The following NEGR1 variants were observed in gnomAD, a reference collection of about 807,000 sequenced individuals.
The protein encoded by NEGR1 is neuronal growth regulator 1.
In NEGR1, 10 loss-of-function variants were observed where a neutral mutation model predicts 40.9. That is an observed-to-expected ratio of 0.24 (90% CI 0.15 to 0.42). NEGR1 has a LOEUF of 0.42. Ranked by LOEUF, NEGR1 falls within the 10% of genes least tolerant of loss-of-function variation. NEGR1 has a pLI of 1.00. For synonymous variants in NEGR1, 185 were observed against 166.8 expected (o/e 1.11, Z -0.84); for missense variants, 352 against 438.9 (o/e 0.80, Z 1.77).
intron 4 of NEGR1, among the ~76,000 whole-genome samples, chr1:71,684,464 G>A (rs754459025): frequency 2.0e-5 from 3 of 152,060 alleles, no homozygotes; most frequent in South Asian, 2.1e-4. Flanking sequence ...ACATACTAAC[G>A]TATGTTTGTG....
chr1:71,644,838 C>A (rs146972850), intron 4 of NEGR1, among the ~76,000 whole-genome samples: 220 of 152,038 alleles, frequency 1.4e-3, no homozygotes, highest in African/African-American at 5.1e-3. Context: ...TAGAGAGATG[C>A]TTATCCAGGG....
chr1:71,830,931 C>A (rs897901462), intron 2 of NEGR1, among the ~76,000 whole-genome samples: 10 of 151,620 alleles, frequency 6.6e-5, no homozygotes, highest in Admixed American at 1.3e-4. Context: ...TAAGATCACA[C>A]CATAGTTGTG....
intron 6 of NEGR1, among the ~76,000 whole-genome samples, chr1:71,440,954 C>G (rs1430747689): frequency 6.6e-6 from 1 of 152,090 alleles, no homozygotes; most frequent in Non-Finnish European, 1.5e-5. Flanking sequence ...TTATTGGACA[C>G]TCATAGATCA....
At chr1:71,665,761 A>C (rs987507487) in intron 4 of NEGR1, among the ~76,000 whole-genome samples, 33 of 152,282 alleles carry the variant, frequency 2.2e-4, no homozygotes, top group African/African-American at 7.2e-4. Context: ...TAGCTTCCTA[A>C]AGCCTTGTTT....
chr1:71,895,967 T>G (rs1660960567), intron 2 of NEGR1, among the ~76,000 whole-genome samples: 1 of 152,040 alleles, frequency 6.6e-6, no homozygotes, highest in Non-Finnish European at 1.5e-5. Flanking sequence ...TTATTATAGC[T>G]ATCTTAGTGT....
chr1:71,510,983 A>T (rs560961103), intron 6 of NEGR1, among the ~76,000 whole-genome samples: 170 of 152,318 alleles, frequency 1.1e-3, no homozygotes, highest in African/African-American at 3.9e-3. Flanking sequence ...TGATTTAGTT[A>T]GTAAAACTCT....
intron 1 of NEGR1, among the ~76,000 whole-genome samples, chr1:72,158,748 T>A (rs1007890510): frequency 2.0e-5 from 3 of 152,204 alleles, no homozygotes; most frequent in Non-Finnish European, 4.4e-5. Flanking sequence ...TAAACTGAGC[T>A]ATCATGTGAA....
At chr1:71,592,752 A>T (rs1649544004) in intron 6 of NEGR1, 65 bp downstream of exon 6, 6 of 1,306,610 alleles carry the variant, frequency 4.6e-6, no homozygotes, top group Non-Finnish European at 6.4e-6. Flanking sequence ...CTTAGGTTTT[A>T]TCTCTACAGA....
intron 2 of NEGR1, among the ~76,000 whole-genome samples, chr1:71,795,163 A>G (rs1039926637): frequency 4.6e-5 from 7 of 152,042 alleles, no homozygotes; most frequent in Admixed American, 1.3e-4. Context: ...AACAAATAAA[A>G]CTGAAGATAC....
chr1:71,990,817 T>C (rs531748701), intron 1 of NEGR1, among the ~76,000 whole-genome samples: 85 of 152,020 alleles, frequency 5.6e-4, no homozygotes, highest in Non-Finnish European at 1.1e-3. Flanking sequence ...CTCTGCATTT[T>C]CTTTCTGAGA....
At chr1:71,794,724 T>C (rs1254952450) in intron 2 of NEGR1, among the ~76,000 whole-genome samples, 1 of 152,092 alleles carries the variant, frequency 6.6e-6, no homozygotes, top group African/African-American at 2.4e-5. Flanking sequence ...ATGAAAAAGA[T>C]TGGTAAATGT....
At chr1:71,721,059 A>G (rs1308785044) in intron 3 of NEGR1, among the ~76,000 whole-genome samples, 2 of 152,206 alleles carry the variant, frequency 1.3e-5, no homozygotes, top group African/African-American at 2.4e-5. Context: ...CAGAGATGCA[A>G]TAAGTTTGCA....
At chr1:71,899,796 C>A (rs1216478352) in intron 2 of NEGR1, among the ~76,000 whole-genome samples, 1 of 152,000 alleles carries the variant, frequency 6.6e-6, no homozygotes, top group Non-Finnish European at 1.5e-5. Context: ...TCCATATTTG[C>A]CTTTAGTCTC....
rs141997375 is a variant in NEGR1 at position 72,012,721 on chromosome 1, T to C, written c.177-77410A>G. 6.7e-3 allele frequency among the ~76,000 whole-genome samples: 1,022 copies of C among 151,866 alleles called. 6 individuals are homozygous for C. The highest frequency in any genetic ancestry group is 0.021 in the Middle Eastern group (6 of 292). On this transcript the variant is annotated intron_variant, in intron 1 of 6. Transcript: ENST00000357731. ...AAAGACTGTGCGTCCCCAATCTGCA[T>C]ATATTTTTTCCAGAAAATAAAGTTC...
chr1:71,756,407 CA>C (rs869043335), intron 3 of NEGR1, among the ~76,000 whole-genome samples: 19 of 45,748 alleles, frequency 4.2e-4, no homozygotes, highest in African/African-American at 1.3e-3. Flanking sequence ...AAAACAAAAA[CA>C]AACAAAAAAA....
chr1:72,238,163 A>G (rs1203350663), intron 1 of NEGR1, among the ~76,000 whole-genome samples: 1 of 151,800 alleles, frequency 6.6e-6, no homozygotes, highest in Middle Eastern at 3.2e-3. Context: ...TAAGAACACT[A>G]TGGGGATTTT....
intron 5 of NEGR1, among the ~76,000 whole-genome samples, chr1:71,608,617 G>A (rs1650145015): frequency 6.6e-6 from 1 of 151,574 alleles, no homozygotes; most frequent in African/African-American, 2.4e-5. Flanking sequence ...TAACAAAGGA[G>A]CTCTGATTGT....
intron 1 of NEGR1, among the ~76,000 whole-genome samples, chr1:72,111,613 T>C (rs375019542): frequency 2.3e-4 from 35 of 151,820 alleles, no homozygotes; most frequent in African/African-American, 7.5e-4. Flanking sequence ...CAGAGTTTAA[T>C]GGTGACTAAG....
intron 1 of NEGR1, among the ~76,000 whole-genome samples, chr1:72,267,300 C>T (rs1411546796): frequency 1.3e-5 from 2 of 150,682 alleles, no homozygotes; most frequent in Non-Finnish European, 3.0e-5. Flanking sequence ...AATGATGAGG[C>T]TATTAAAGGG....
Sources: allele counts gnomAD v4.1 joint callset (sites outside exome capture counted in the v4.1 genomes callset), GRCh38; gene constraint gnomAD v4.1.1; transcripts MANE v1.5; gene names NCBI Gene and HGNC (gene_info 2026-07-23, HGNC 2026-07-21).